The following FOXP1 variants were observed in gnomAD, a reference collection of about 807,000 sequenced individuals.
FOXP1 encodes the protein forkhead box protein P1.
In FOXP1, 15 loss-of-function variants were observed where a neutral mutation model predicts 98.2. The ratio of observed to expected loss-of-function variants is 0.15; its 90% CI spans 0.10 to 0.24. The LOEUF is 0.24. FOXP1 is among the 10% of genes least tolerant of loss of function. FOXP1 has a pLI of 1.00. For missense variants in FOXP1, 633 were observed against 848.5 expected, an observed-to-expected ratio of 0.75 and a Z score of 3.15; for synonymous variants, 371 against 314.5, an observed-to-expected ratio of 1.18 and a Z score of -1.90.
chr3:71,265,350 A>G (rs2069537284), intron 5 of FOXP1, among the ~76,000 whole-genome samples: 1 of 152,190 alleles, frequency 6.6e-6, no homozygotes, highest in South Asian at 2.1e-4. Flanking sequence ...TTTGCCCCTG[A>G]TATCAAAGAA....
intron 11 of FOXP1, among the ~76,000 whole-genome samples, chr3:71,026,985 C>G (rs1023656740): frequency 3.3e-5 from 5 of 152,158 alleles, no homozygotes; most frequent in African/African-American, 1.2e-4. Context: ...GTTTCTGACA[C>G]CAGTAAGGGC....
At chr3:71,535,089 C>T (rs914722070) in intron 2 of FOXP1, among the ~76,000 whole-genome samples, 3 of 152,134 alleles carry the variant, frequency 2.0e-5, no homozygotes, top group Non-Finnish European at 4.4e-5. Context: ...AGTAATAGTG[C>T]AAATGATGAG....
intron 4 of FOXP1, among the ~76,000 whole-genome samples, chr3:71,311,976 C>G (rs1044452860): frequency 2.0e-5 from 3 of 152,196 alleles, no homozygotes; most frequent in Non-Finnish European, 2.9e-5. Context: ...TCTCTAGCTC[C>G]CATTAGAAAC....
chr3:71,376,905 C>T (rs1013378785), intron 3 of FOXP1, among the ~76,000 whole-genome samples: 9 of 151,990 alleles, frequency 5.9e-5, no homozygotes, highest in African/African-American at 1.7e-4. Context: ...AGAATTATCA[C>T]AATTATACCT....
chr3:71,132,471 GT>G (rs1211418272), intron 6 of FOXP1, among the ~76,000 whole-genome samples: 1 of 152,120 alleles, frequency 6.6e-6, no homozygotes, highest in African/African-American at 2.4e-5. Flanking sequence ...AATAAAGTCA[GT>G]GCATACAATC....
intron 5 of FOXP1, among the ~76,000 whole-genome samples, chr3:71,261,866 G>T (rs1439011941): frequency 1.3e-5 from 2 of 151,718 alleles, no homozygotes; most frequent in African/African-American, 4.8e-5. Flanking sequence ...CCAATAAGAG[G>T]GTACACAAGT....
At chr3:71,125,241 A>T (rs1229205350) in intron 6 of FOXP1, among the ~76,000 whole-genome samples, 1 of 152,210 alleles carries the variant, frequency 6.6e-6, no homozygotes, top group Admixed American at 6.5e-5. Flanking sequence ...ATTGGTTCTA[A>T]ATTACTTTAT....
At chr3:71,170,199 T>C (rs2061580883) in intron 6 of FOXP1, among the ~76,000 whole-genome samples, 1 of 152,232 alleles carries the variant, frequency 6.6e-6, no homozygotes, top group East Asian at 1.9e-4. Flanking sequence ...TTCTCTTTCC[T>C]ATCCCTTTTG....
rs138146701 is a variant in FOXP1, at chr3:71,006,801, A to G, written c.975-5742T>C. Among the ~76,000 whole-genome samples, 1,237 of 152,326 alleles carry G rather than the reference A, an allele frequency of 8.1e-3. 9 individuals are homozygous for G. The highest frequency in any genetic ancestry group is 0.012 in the Non-Finnish European group (788 of 68,008). On this transcript the variant is annotated intron_variant, in intron 12 of 20. Transcript: ENST00000649528. ...TGCAGTTATATGTAGAATTAATTGC[A>G]TAAGTAGACATTCAAAAAATTTTCC...
rs369833516 is a variant in FOXP1, at chr3:71,425,738, TA to T, written c.-167-66495del. On this transcript the variant is annotated intron_variant, in intron 3 of 20. Coordinates refer to ENST00000649528, the MANE Select transcript of FOXP1 (RefSeq NM_001349338.3). Reference sequence around the variant, plus strand: ...ATTTGGTCAAGGCAATCAAACCACTTAAAAAAAAAAAAGAACTGAAAAAGAC... The same window carrying T: ...ATTTGGTCAAGGCAATCAAACCACTTAAAAAAAAAAAGAACTGAAAAAGAC... Among the ~76,000 whole-genome samples the T allele has an allele frequency of 2.5e-3, 358 of 142,040 alleles. 1 individual carries two copies. The highest frequency in any genetic ancestry group is 5.1e-3 in the East Asian group (25 of 4,936). 93.2% of individuals were successfully genotyped at this position (142,040 alleles called of 152,430 possible). A position where few individuals can be genotyped will look rare whatever the true frequency, so the allele number is the denominator to read the frequency against.
intron 2 of FOXP1, among the ~76,000 whole-genome samples, chr3:71,525,489 G>T (rs2043307353): frequency 6.6e-6 from 1 of 152,112 alleles, no homozygotes. Context: ...TGGATTTGTG[G>T]CCCTAGGAAG....
At chr3:71,150,272 C>G (rs2060503472) in intron 6 of FOXP1, among the ~76,000 whole-genome samples, 1 of 152,152 alleles carries the variant, frequency 6.6e-6, no homozygotes, top group Non-Finnish European at 1.5e-5. Context: ...GCATGCATCT[C>G]TATTTTCCTT....
chr3:71,082,936 G>A (rs1278900372), intron 7 of FOXP1, among the ~76,000 whole-genome samples: 1 of 152,190 alleles, frequency 6.6e-6, no homozygotes, highest in East Asian at 1.9e-4. Flanking sequence ...TGTCTATATA[G>A]CACTTACTCC....
intron 2 of FOXP1, among the ~76,000 whole-genome samples, chr3:71,532,426 C>G (rs1250929533): frequency 6.6e-6 from 1 of 152,158 alleles, no homozygotes; most frequent in Non-Finnish European, 1.5e-5. Context: ...GTTACTCAAA[C>G]ACCCAAAAGT....
intron 4 of FOXP1, among the ~76,000 whole-genome samples, chr3:71,311,160 C>T (rs1434288527): frequency 6.6e-6 from 1 of 152,176 alleles, no homozygotes; most frequent in Admixed American, 6.5e-5. Flanking sequence ...TCATGACTCA[C>T]TGCAGCCTGG....
At chr3:71,492,061 G>A (rs1182496520) in intron 3 of FOXP1, among the ~76,000 whole-genome samples, 1 of 152,114 alleles carries the variant, frequency 6.6e-6, no homozygotes, top group Non-Finnish European at 1.5e-5. Flanking sequence ...GACTTAAGCT[G>A]TCCCATTTGT....
intron 12 of FOXP1, among the ~76,000 whole-genome samples, chr3:71,006,273 A>T (rs892580043): frequency 1.3e-5 from 2 of 152,082 alleles, no homozygotes; most frequent in Non-Finnish European, 2.9e-5. Flanking sequence ...ATAATAATAA[A>T]AAAATCTAAT....
At chr3:71,151,227 G>T (rs918658174) in intron 6 of FOXP1, among the ~76,000 whole-genome samples, 4 of 152,184 alleles carry the variant, frequency 2.6e-5, no homozygotes, top group Admixed American at 2.0e-4. Flanking sequence ...CCAAGTTCTT[G>T]CAAGGTACAC....
intron 3 of FOXP1, among the ~76,000 whole-genome samples, chr3:71,414,512 C>T (rs1010043293): frequency 6.6e-6 from 1 of 152,222 alleles, no homozygotes; most frequent in Non-Finnish European, 1.5e-5. Flanking sequence ...ACTTGTCTGC[C>T]AATTCGAGGA....
Sources: allele counts gnomAD v4.1 joint callset (sites outside exome capture counted in the v4.1 genomes callset), GRCh38; gene constraint gnomAD v4.1.1; transcripts MANE v1.5; gene names NCBI Gene and HGNC (gene_info 2026-07-23, HGNC 2026-07-21).